RBFOX1: variants seen among roughly 807,000 people sequenced by gnomAD.
RBFOX1 encodes RNA binding fox-1 homolog 1.
In RBFOX1, 8 loss-of-function variants were observed where a neutral mutation model predicts 57.7. The observed-to-expected ratio is 0.14, with a 90% CI of 0.08 to 0.25. RBFOX1 has a LOEUF of 0.25. Among genes scored for constraint, RBFOX1 ranks in the 10% least tolerant of loss-of-function variants. RBFOX1 has a pLI of 1.00. For missense variants in RBFOX1, 611 were observed against 548.5 expected (o/e 1.11, Z -1.14); for synonymous variants, 326 against 222.4 (o/e 1.47, Z -4.15).
chr16:6,241,202 C>T (rs943660260), intron 1 of RBFOX1, among the ~76,000 whole-genome samples: 4 of 152,194 alleles, frequency 2.6e-5, no homozygotes, highest in Non-Finnish European at 5.9e-5. Flanking sequence ...TGCAAATTCC[C>T]GTTCAGACGG....
chr16:6,731,850 A>G (rs1007910010), intron 3 of RBFOX1, among the ~76,000 whole-genome samples: 1 of 152,086 alleles, frequency 6.6e-6, no homozygotes, highest in Non-Finnish European at 1.5e-5. Context: ...TCCTTGGCTC[A>G]TTGTCTGCCT....
chr16:7,593,769 G>A (rs1423852838), intron 7 of RBFOX1, among the ~76,000 whole-genome samples: 2 of 152,048 alleles, frequency 1.3e-5, no homozygotes, highest in East Asian at 3.9e-4. Flanking sequence ...GTGACTGTGG[G>A]ACTTGGAAAT....
chr16:6,806,006 G>A (rs543102664), intron 3 of RBFOX1, among the ~76,000 whole-genome samples: 95 of 152,302 alleles, frequency 6.2e-4, no homozygotes, highest in Admixed American at 1.4e-3. Context: ...GGGAAAAACT[G>A]TGGGTATTCA....
chr16:6,800,527 C>T (rs866087803), intron 3 of RBFOX1, among the ~76,000 whole-genome samples: 2 of 152,236 alleles, frequency 1.3e-5, no homozygotes, highest in East Asian at 1.9e-4. Context: ...TCAAAAGCCG[C>T]CCTTCCGTGC....
downstream of RBFOX1, among the ~76,000 whole-genome samples, chr16:5,603,780 A>G (rs188633692): frequency 6.6e-6 from 1 of 152,298 alleles, no homozygotes; most frequent in Admixed American, 6.5e-5. Flanking sequence ...ATGGAGAGGC[A>G]CTTGGGAATG....
chr16:6,477,396 A>G (rs1374432346), intron 2 of RBFOX1, among the ~76,000 whole-genome samples: 1 of 152,216 alleles, frequency 6.6e-6, no homozygotes, highest in African/African-American at 2.4e-5. Context: ...ACAGGCACGA[A>G]CAGAACACTT....
chr16:7,389,705 G>A lies in RBFOX1; in HGVS notation c.28-128442G>A, dbSNP rs562181622. On this transcript the variant is annotated intron_variant, in intron 4 of 15. Transcript: ENST00000550418. ...GCTGGAGTTTACAGTATGTACAACAGCAGTCTTGGTTAGGCCATGGTATTA... is the reference window on the plus strand; with the variant it reads ...GCTGGAGTTTACAGTATGTACAACAACAGTCTTGGTTAGGCCATGGTATTA... Among the ~76,000 whole-genome samples the A allele has an allele frequency of 4.6e-5, 7 of 152,192 alleles. No individual in the cohort carries two copies. In the South Asian group the frequency reaches 1.2e-3, roughly 27 times the overall value.
intron 3 of RBFOX1, among the ~76,000 whole-genome samples, chr16:7,027,083 G>C (rs1296711139): frequency 6.6e-6 from 1 of 152,062 alleles, no homozygotes; most frequent in African/African-American, 2.4e-5. Context: ...GTAGGAGAGG[G>C]GAGGCTCTTT....
intron 2 of RBFOX1, among the ~76,000 whole-genome samples, chr16:6,548,000 A>G (rs995633256): frequency 2.6e-5 from 4 of 152,210 alleles, no homozygotes; most frequent in Admixed American, 6.5e-5. Context: ...TCCTTTAATC[A>G]TAGCCCTTAT....
At chr16:7,447,911 A>G (rs2098821155) in intron 4 of RBFOX1, among the ~76,000 whole-genome samples, 1 of 152,264 alleles carries the variant, frequency 6.6e-6, no homozygotes, top group African/African-American at 2.4e-5. Context: ...GGAGGGGCCA[A>G]CAGGCATCTG....
At chr16:7,263,872 C>T (rs1191172006) in intron 4 of RBFOX1, among the ~76,000 whole-genome samples, 1 of 150,204 alleles carries the variant, frequency 6.7e-6, no homozygotes, top group Non-Finnish European at 1.5e-5. Flanking sequence ...TGCACTCCAG[C>T]CTGGGCAACA....
chr16:7,527,977 A>G (rs1043583898), intron 5 of RBFOX1, among the ~76,000 whole-genome samples: 2 of 152,246 alleles, frequency 1.3e-5, no homozygotes, highest in Non-Finnish European at 2.9e-5. Flanking sequence ...AATGATTTAT[A>G]GACAAATGGT....
intron 4 of RBFOX1, among the ~76,000 whole-genome samples, chr16:7,192,299 G>A (rs2085595409): frequency 6.6e-6 from 1 of 152,162 alleles, no homozygotes; most frequent in South Asian, 2.1e-4. Flanking sequence ...TCTGACGTTA[G>A]GGAAAATGTC....
chr16:6,767,947 T>TAATAAGAAG lies in RBFOX1; in HGVS notation c.-16+113299_-16+113300insTAAGAAGAA, dbSNP rs1410744665. On this transcript the variant is annotated intron_variant, in intron 3 of 15. Coordinates refer to ENST00000550418, the MANE Select transcript of RBFOX1 (RefSeq NM_018723.4). ...ATAATAATAATAATAATAATAATAA[T>TAATAAGAAG]AAGAAGAAGAAGAAGAAGAAGAAGA... 8.2e-3 allele frequency among the ~76,000 whole-genome samples: 824 copies of TAATAAGAAG among 100,924 alleles called. 5 individuals carry two copies. Among genetic ancestry groups the TAATAAGAAG allele is most frequent in the South Asian group, 0.011 (31 of 2,734 alleles). The allele number at this position is 100,924 out of a possible 152,430, so 66.2% of individuals were successfully genotyped here. A position where few individuals can be genotyped will look rare whatever the true frequency, so the allele number is the denominator to read the frequency against.
chr16:6,514,885 A>T (rs1351752928), intron 2 of RBFOX1, among the ~76,000 whole-genome samples: 2 of 151,970 alleles, frequency 1.3e-5, no homozygotes, highest in Non-Finnish European at 2.9e-5. Context: ...ATAAGGAGGA[A>T]GGGGAGGAGG....
At chr16:7,046,837 C>T (rs888942216) in intron 3 of RBFOX1, among the ~76,000 whole-genome samples, 1 of 151,890 alleles carries the variant, frequency 6.6e-6, no homozygotes, top group Non-Finnish European at 1.5e-5. Context: ...AACTCCTAAC[C>T]TCAGGTGATC....
chr16:5,884,518 C>T (rs2057848994), intron 4 of RBFOX1, among the ~76,000 whole-genome samples: 2 of 150,460 alleles, frequency 1.3e-5, no homozygotes, highest in South Asian at 4.3e-4. Context: ...ATTTCCCAGC[C>T]TCCCTTGTAG....
chr16:6,373,290 G>T (rs1228862502), intron 2 of RBFOX1, among the ~76,000 whole-genome samples: 1 of 152,000 alleles, frequency 6.6e-6, no homozygotes, highest in Non-Finnish European at 1.5e-5. Flanking sequence ...TGTCGGATGG[G>T]AGGATGGTTG....
At chr16:7,028,158 T>C (rs2041543690) in intron 3 of RBFOX1, among the ~76,000 whole-genome samples, 1 of 152,164 alleles carries the variant, frequency 6.6e-6, no homozygotes, top group African/African-American at 2.4e-5. Context: ...TCCAATATAA[T>C]AATTGGCTTA....
Sources: allele counts gnomAD v4.1 joint callset (sites outside exome capture counted in the v4.1 genomes callset), GRCh38; gene constraint gnomAD v4.1.1; transcripts MANE v1.5; gene names NCBI Gene and HGNC (gene_info 2026-07-23, HGNC 2026-07-21).